GTF3C2: variants seen among roughly 807,000 people sequenced by gnomAD.
The protein encoded by GTF3C2 is general transcription factor IIIC subunit 2, also known as general transcription factor 3C polypeptide 2.
In GTF3C2, 17 loss-of-function variants were observed where a neutral mutation model predicts 117.4. The observed-to-expected ratio is 0.14, with a 90% CI of 0.10 to 0.22. GTF3C2 has a LOEUF of 0.22. Ranked by LOEUF, GTF3C2 falls within the 10% of genes least tolerant of loss-of-function variation. The pLI, the probability that GTF3C2 is intolerant of heterozygous loss-of-function variation, is 1.00. For synonymous variants in GTF3C2, 437 were observed against 427.0 expected (o/e 1.02, Z -0.29); for missense variants, 888 against 1,143.6 (o/e 0.78, Z 3.22).
At chr2:27,351,175 G>A (rs1334898880) in intron 1 of GTF3C2, among the ~76,000 whole-genome samples, 2 of 152,106 alleles carry the variant, frequency 1.3e-5, no homozygotes, top group African/African-American at 2.4e-5. Flanking sequence ...ACTCTGGGAG[G>A]CTGAAGAGGG....
Position 27,329,189 on chromosome 2 carries a change from CAAG to C in GTF3C2, c.1968_1970del (p.Phe656del). 1 of 1,614,130 alleles carries C rather than the reference CAAG, an allele frequency of 6.2e-7. No homozygotes were observed. Among genetic ancestry groups the C allele is most frequent in the Non-Finnish European group, 8.5e-7 (1 of 1,179,992 alleles). On this transcript the variant is annotated inframe_deletion, in exon 14 of 19. Coordinates refer to ENST00000264720, the Ensembl canonical transcript of GTF3C2. This position sits in a 1 kb window ranked among gnomAD's most constrained non-coding sequence, Gnocchi z 4.5. The stretch of plus-strand genomic sequence containing the variant: ...GAAGCAGCCAGGCCAGTTCTGTACT[CAAG>C]AAGCGCTTGATAGAGTTTATGGGTT...
chr2:27,333,994 C>G, exon 11 of GTF3C2: 3 of 1,609,794 alleles, frequency 1.9e-6, no homozygotes, highest in South Asian at 1.1e-5. Context: ...GCAGGCTTCA[C>G]TGCATCTGTG....
chr2:27,333,515 CTAT>C lies in GTF3C2; in HGVS notation c.1732+137_1732+139del. Reference sequence around the variant, plus strand: ...AAATAGTCTAGTGACTTATTTCTTTCTATTTTTTTTTTTTTACATTGCTTGAAT... The same window carrying C: ...AAATAGTCTAGTGACTTATTTCTTTCTTTTTTTTTTTTACATTGCTTGAAT... On this transcript the variant is annotated intron_variant, in intron 12 of 18. Transcript: ENST00000264720. 26 of 609,920 alleles carry C rather than the reference CTAT, an allele frequency of 4.3e-5. No homozygotes were observed. In the East Asian group the frequency reaches 8.0e-4, roughly 19 times the overall value. The allele number at this position is 609,920 out of a possible 1,614,324, so 37.8% of individuals were successfully genotyped here. A position where few individuals can be genotyped will look rare whatever the true frequency, so the allele number is the denominator to read the frequency against.
intron 12 of GTF3C2, among the ~76,000 whole-genome samples, chr2:27,332,703 C>T (rs1034078695): frequency 2.5e-4 from 36 of 143,126 alleles, no homozygotes; most frequent in Admixed American, 1.5e-3. Flanking sequence ...CGTGAGCCAC[C>T]GTGCCCGGCC....
intron 12 of GTF3C2, among the ~76,000 whole-genome samples, chr2:27,331,768 GTC>G (rs1553387249): frequency 1.4e-4 from 22 of 151,858 alleles, no homozygotes; most frequent in Non-Finnish European, 1.5e-5. Flanking sequence ...GCGAAACCCC[GTC>G]TCTACAAAAA....
intron 4 of GTF3C2, chr2:27,341,678 G>C (rs750918420): frequency 9.3e-6 from 4 of 429,102 alleles, no homozygotes; most frequent in Non-Finnish European, 1.7e-5. Context: ...CTGTGAACTT[G>C]TGAGGCAGGA....
intron 7 of GTF3C2, among the ~76,000 whole-genome samples, chr2:27,336,990 T>C (rs563172811): frequency 2.6e-5 from 4 of 152,300 alleles, no homozygotes; most frequent in African/African-American, 4.8e-5. Flanking sequence ...GGCTAGTCTG[T>C]CCAGGTCTAT....
At chr2:27,337,596 T>C in intron 5 of GTF3C2, 38 bp from the exon 6 acceptor site, 1 of 1,339,918 alleles carries the variant, frequency 7.5e-7, no homozygotes, top group Non-Finnish European at 1.1e-6. Context: ...AGGAGAGGGA[T>C]TCTACAGCCG....
chr2:27,334,031 TG>T, intron 10 of GTF3C2, 32 bp from the exon 11 acceptor site: 1 of 1,583,856 alleles, frequency 6.3e-7, no homozygotes, highest in Non-Finnish European at 8.7e-7. Context: ...ACTAACTCTA[TG>T]GATCCCAAGG....
intron 12 of GTF3C2, among the ~76,000 whole-genome samples, chr2:27,332,188 T>C (rs1680294705): frequency 1.3e-5 from 2 of 152,224 alleles, no homozygotes; most frequent in South Asian, 2.1e-4. Context: ...ATTTAGTTAG[T>C]TAGCTAGTTA....
At chr2:27,330,887 G>A (rs555853606) in intron 12 of GTF3C2, among the ~76,000 whole-genome samples, 12 of 151,848 alleles carry the variant, frequency 7.9e-5, no homozygotes, top group Non-Finnish European at 1.3e-4. Context: ...GCTTGAACTC[G>A]GGAGATAGAG....
intron 4 of GTF3C2, chr2:27,341,670 G>A: frequency 2.4e-6 from 1 of 414,256 alleles, no homozygotes; most frequent in Non-Finnish European, 4.4e-6. Context: ...TGATTGCACT[G>A]TGAACTTGTG....
chr2:27,329,633 C>T lies in GTF3C2; in HGVS notation c.1733-110G>A. On this transcript the variant is annotated intron_variant, in intron 12 of 18. Transcript: ENST00000264720. This position sits in a 1 kb window ranked among gnomAD's most constrained non-coding sequence, Gnocchi z 4.5. The stretch of plus-strand genomic sequence containing the variant: ...TTGTCTTCTACCCTCAGATCCAAAC[C>T]ACTATGAAAGGATGTGGGGATCCTG... 2 of 1,010,660 alleles carry T rather than the reference C, an allele frequency of 2.0e-6. No individual in the cohort carries two copies. Among genetic ancestry groups the T allele is most frequent in the South Asian group, 3.1e-5 (2 of 65,372 alleles). The allele number at this position is 1,010,660 out of a possible 1,614,324, so 62.6% of individuals were successfully genotyped here.
rs1008879462 is a variant in GTF3C2, at chr2:27,337,680, C to T, written c.951-122G>A. On this transcript the variant is annotated intron_variant, in intron 5 of 18. Transcript: ENST00000264720. Reference sequence around the variant, plus strand: ...TGCTCCCCAATATGCCAGTTGCTAGCTCCAATTAGCTACCAAGCACCTAAA... The same window carrying T: ...TGCTCCCCAATATGCCAGTTGCTAGTTCCAATTAGCTACCAAGCACCTAAA... The T allele has an allele frequency of 4.0e-6, 3 of 757,988 alleles. No individual in the cohort carries two copies. In the African/African-American group the frequency reaches 5.2e-5, roughly 13 times the overall value. The allele number at this position is 757,988 out of a possible 1,614,324, so 47.0% of individuals were successfully genotyped here.
exon 8 of GTF3C2, chr2:27,336,355 G>C: frequency 2.5e-6 from 4 of 1,613,572 alleles, no homozygotes; most frequent in Non-Finnish European, 3.4e-6. Context: ...CACCAGTCCA[G>C]AGCCCAGAGC....
chr2:27,351,137 C>T (rs1021061506), intron 1 of GTF3C2, among the ~76,000 whole-genome samples: 15 of 150,858 alleles, frequency 9.9e-5, no homozygotes, highest in African/African-American at 3.7e-4. Flanking sequence ...GCAGGCCGGG[C>T]ATGGTGGCTC....
intron 1 of GTF3C2, chr2:27,356,074 G>C (rs1052613772): frequency 7.8e-7 from 1 of 1,285,096 alleles, no homozygotes; most frequent in East Asian, 5.6e-5. Context: ...GGAACAAAGA[G>C]GTTTGTCCAT....
At chr2:27,347,382 TAGCA>T (rs1266959509) in intron 1 of GTF3C2, among the ~76,000 whole-genome samples, 4 of 152,138 alleles carry the variant, frequency 2.6e-5, no homozygotes, top group Non-Finnish European at 5.9e-5. Context: ...TTATAAACTA[TAGCA>T]ATGGCCAACC....
chr2:27,336,057 G>A lies in GTF3C2; in HGVS notation c.1356-29C>T, dbSNP rs760749800. ...GAGAGAGAGAGCATGTGGGGATGGT[G>A]GGTAGGAAGAAGGGACGCAGGGCTG... On this transcript the variant is annotated intron_variant, in intron 8 of 18. Transcript: ENST00000264720. The A allele has an allele frequency of 1.3e-5, 20 of 1,510,118 alleles. 1 individual carries two copies. Among genetic ancestry groups the A allele is most frequent in the Admixed American group, 1.0e-4 (6 of 59,898 alleles). 93.5% of individuals were successfully genotyped at this position (1,510,118 alleles called of 1,614,324 possible). A position where few individuals can be genotyped will look rare whatever the true frequency, so the allele number is the denominator to read the frequency against.
Sources: allele counts gnomAD v4.1 joint callset (sites outside exome capture counted in the v4.1 genomes callset), GRCh38; gene constraint gnomAD v4.1.1; non-coding constraint Gnocchi (gnomAD v3.1); transcripts MANE v1.5; gene names NCBI Gene and HGNC (gene_info 2026-07-23, HGNC 2026-07-21).